The following RBFOX2 variants were observed in gnomAD, a reference collection of about 807,000 sequenced individuals.
RBFOX2 encodes the protein RNA binding fox-1 homolog 2, also known as RNA binding protein fox-1 homolog 2.
In RBFOX2, 10 loss-of-function variants were observed where a neutral mutation model predicts 49.1. That is an observed-to-expected ratio of 0.20 (90% CI 0.13 to 0.35). RBFOX2 has a LOEUF of 0.35. RBFOX2 is among the 10% of genes least tolerant of loss of function. The probability of loss-of-function intolerance (pLI) is 1.00; values close to 1 mark genes in which losing one functional copy is unlikely to be tolerated. For synonymous variants in RBFOX2, 183 were observed against 187.4 expected, an observed-to-expected ratio of 0.98 and a Z score of 0.19; for missense variants, 323 against 486.9, an observed-to-expected ratio of 0.66 and a Z score of 3.17.
At chr22:35,960,901 C>G (rs182268073) in intron 1 of RBFOX2, among the ~76,000 whole-genome samples, 8 of 151,920 alleles carry the variant, frequency 5.3e-5, no homozygotes, top group Non-Finnish European at 4.4e-5. Flanking sequence ...TATCACCAAC[C>G]AAGGTGACTA....
At chr22:35,774,759 T>A (rs546005748) in intron 4 of RBFOX2, among the ~76,000 whole-genome samples, 1 of 152,288 alleles carries the variant, frequency 6.6e-6, no homozygotes, top group East Asian at 1.9e-4. Flanking sequence ...GGCATGAGCA[T>A]GGCAGTGGAA....
intron 1 of RBFOX2, among the ~76,000 whole-genome samples, chr22:35,878,230 C>G (rs975359071): frequency 6.6e-6 from 1 of 151,988 alleles, no homozygotes; most frequent in Non-Finnish European, 1.5e-5. Context: ...AACCCTGTCT[C>G]TACTAAAAAT....
chr22:35,899,636 A>G (rs143330700), intron 1 of RBFOX2, among the ~76,000 whole-genome samples: 8 of 152,214 alleles, frequency 5.3e-5, no homozygotes, highest in African/African-American at 1.4e-4. Context: ...TTTATTTCCA[A>G]TTATCAAAGT....
At chr22:35,909,698 G>A (rs1477158114) in intron 1 of RBFOX2, among the ~76,000 whole-genome samples, 4 of 152,144 alleles carry the variant, frequency 2.6e-5, no homozygotes, top group African/African-American at 4.8e-5. Flanking sequence ...TGCAACCTCC[G>A]CTTCCCGGAT....
chr22:35,794,614 C>T (rs533572944), intron 2 of RBFOX2, among the ~76,000 whole-genome samples: 4 of 151,618 alleles, frequency 2.6e-5, no homozygotes, highest in Non-Finnish European at 4.4e-5. Flanking sequence ...GCCGAGATCA[C>T]GCCACTGCAC....
At chr22:35,939,775 A>C (rs2053509207), upstream of RBFOX2, among the ~76,000 whole-genome samples, 1 of 152,122 alleles carries the variant, frequency 6.6e-6, no homozygotes, top group South Asian at 2.1e-4. Context: ...AGCTTACTTG[A>C]CCCATTCAAT....
chr22:35,934,711 C>T (rs572185014), intron 1 of RBFOX2, among the ~76,000 whole-genome samples: 48 of 152,234 alleles, frequency 3.2e-4, no homozygotes, highest in Non-Finnish European at 4.3e-4. Flanking sequence ...CAGAACAAGG[C>T]CCTCTTCTAA....
At chr22:35,761,139 AC>A in intron 8 of RBFOX2, 62 bp downstream of exon 9, 1 of 1,430,552 alleles carries the variant, frequency 7.0e-7, no homozygotes, top group Non-Finnish European at 9.7e-7. Flanking sequence ...AAAAAAAAAA[AC>A]AGTACATGAT....
At chr22:35,929,893 T>C (rs1421676911) in intron 1 of RBFOX2, among the ~76,000 whole-genome samples, 2 of 151,970 alleles carry the variant, frequency 1.3e-5, no homozygotes, top group African/African-American at 4.8e-5. Flanking sequence ...TTGAAAGAAT[T>C]TGGGGAATGA....
chr22:35,975,771 G>A (rs1413031115), intron 1 of RBFOX2, among the ~76,000 whole-genome samples: 4 of 151,362 alleles, frequency 2.6e-5, no homozygotes, highest in Admixed American at 6.6e-5. Context: ...TTGATCACTA[G>A]TGTTTTCTGT....
intron 1 of RBFOX2, chr22:35,996,212 GATC>G (rs1395489346): frequency 1.3e-5 from 2 of 152,098 alleles, no homozygotes; most frequent in Non-Finnish European, 2.9e-5. Context: ...AACCTCCTGA[GATC>G]ATTATCCAAT....
intron 1 of RBFOX2, among the ~76,000 whole-genome samples, chr22:35,906,234 A>G (rs961625208): frequency 2.0e-5 from 3 of 152,244 alleles, no homozygotes; most frequent in Non-Finnish European, 4.4e-5. Flanking sequence ...CACAAGAAGT[A>G]AAAAACACCC....
At chr22:35,934,166 TAA>T (rs60959348) in intron 1 of RBFOX2, among the ~76,000 whole-genome samples, 1 of 141,816 alleles carries the variant, frequency 7.1e-6, no homozygotes, top group Non-Finnish European at 1.5e-5. Context: ...TGTTCCTCTT[TAA>T]AAAAAAAAAC....
At chr22:35,982,327 T>A (rs2150067123) in intron 1 of RBFOX2, among the ~76,000 whole-genome samples, 1 of 152,230 alleles carries the variant, frequency 6.6e-6, no homozygotes, top group African/African-American at 2.4e-5. Context: ...ATCCCCCAGG[T>A]CCCTTTCCCT....
intron 1 of RBFOX2, among the ~76,000 whole-genome samples, chr22:36,025,692 G>A (rs900638235): frequency 6.6e-6 from 1 of 152,156 alleles, no homozygotes; most frequent in Admixed American, 6.5e-5. Context: ...TAGATTGCAT[G>A]CACCTTAAGG....
intron 1 of RBFOX2, among the ~76,000 whole-genome samples, chr22:35,827,483 GA>G (rs1956004143): frequency 6.6e-6 from 1 of 152,178 alleles, no homozygotes; most frequent in African/African-American, 2.4e-5. Context: ...TAGACTCTCT[GA>G]AACTATCCTA....
At chr22:35,977,792 A>G (rs2057269615) in intron 1 of RBFOX2, among the ~76,000 whole-genome samples, 1 of 142,844 alleles carries the variant, frequency 7.0e-6, no homozygotes, top group Admixed American at 7.0e-5. Context: ...ACATATGTGT[A>G]TACGTATAAA....
chr22:35,977,384 A>G (rs1430482711), intron 1 of RBFOX2, among the ~76,000 whole-genome samples: 1 of 152,182 alleles, frequency 6.6e-6, no homozygotes, highest in Non-Finnish European at 1.5e-5. Context: ...AAAGGAATGC[A>G]TTACTAATAC....
chr22:35,933,107 A>G (rs764342963), intron 1 of RBFOX2, among the ~76,000 whole-genome samples: 7 of 152,206 alleles, frequency 4.6e-5, no homozygotes. Flanking sequence ...AGACAAATAC[A>G]AAAGGGAAAT....
Sources: gnomAD v4.1 joint callset for allele counts (sites outside exome capture counted in the v4.1 genomes callset) on GRCh38, gnomAD v4.1.1 for gene constraint, MANE v1.5 for transcripts, NCBI Gene and HGNC (gene_info 2026-07-23, HGNC 2026-07-21) for gene names.